The following YME1L1 variants were observed in gnomAD, a reference collection of about 807,000 sequenced individuals.
YME1L1 encodes the protein YME1 like 1 ATPase.
YME1L1 carries 39 observed loss-of-function variants against 90.4 expected under a neutral mutation model. The observed-to-expected ratio is 0.43, with a 90% confidence interval of 0.33 to 0.56. YME1L1 has a LOEUF of 0.56. Among genes scored for constraint, YME1L1 ranks in the 20% least tolerant of loss-of-function variants. The probability of loss-of-function intolerance (pLI) is 0.03; values close to 1 mark genes in which losing one functional copy is unlikely to be tolerated. For missense variants in YME1L1, 617 were observed against 868.4 expected, an observed-to-expected ratio of 0.71 and a Z score of 3.64; for synonymous variants, 284 against 287.3, an observed-to-expected ratio of 0.99 and a Z score of 0.12.
intron 14 of YME1L1, among the ~76,000 whole-genome samples, chr10:27,118,298 T>C (rs896643359): frequency 2.0e-5 from 3 of 149,516 alleles, no homozygotes; most frequent in Admixed American, 1.3e-4. Context: ...AGTAATTTTG[T>C]TTCTTTTTAA....
chr10:27,125,827 CAG>C (rs1421787860), intron 9 of YME1L1, among the ~76,000 whole-genome samples: 1 of 151,790 alleles, frequency 6.6e-6, no homozygotes, highest in African/African-American at 2.4e-5. Context: ...TTAGTAGAGA[CAG>C]GGTTTCACCA....
Position 27,119,448 on chromosome 10 carries a change from G to A in YME1L1, c.1413C>T (p.Ser471=), listed in dbSNP as rs145145029. 1.4e-5 allele frequency: 23 copies of A among 1,602,992 alleles called. No homozygotes were observed. Among genetic ancestry groups the A allele is most frequent in the African/African-American group, 6.8e-5 (5 of 73,866 alleles). Reference sequence around the variant, plus strand: ...CTCGAGCTATAATTTCTGGATCAACGGCTAATGTAAAAAGAGAACACAACG... The same window carrying A: ...CTCGAGCTATAATTTCTGGATCAACAGCTAATGTAAAAAGAGAACACAACG... The part of the protein sequence containing the change: ...WYLNKIKFDQ[S]VDPEIIARGT... The change falls in exon 14 of 19, where the codon TCC becomes TCT. Residue 471 remains serine, a splice_region_variant and synonymous_variant. Coordinates refer to ENST00000376016, the MANE Select transcript of YME1L1 (RefSeq NM_014263.4).
intron 9 of YME1L1, among the ~76,000 whole-genome samples, chr10:27,125,470 A>C (rs905389908): frequency 4.6e-5 from 7 of 150,818 alleles, no homozygotes; most frequent in Non-Finnish European, 1.0e-4. Flanking sequence ...AAAAAAAAAA[A>C]AAAAAAACAA....
chr10:27,112,039 C>T lies in YME1L1; in HGVS notation c.2089G>A (p.Glu697Lys). The T allele has an allele frequency of 6.2e-7, 1 of 1,614,108 alleles. No individual in the cohort carries two copies. The highest frequency in any genetic ancestry group is 8.5e-7 in the Non-Finnish European group (1 of 1,180,010). Residue 697 changes from glutamate to lysine, a missense_variant, in exon 19 of 19, where the codon GAG (glutamate) becomes AAG (lysine). Physicochemically the swap from Glu to Lys is moderately conservative, Grantham distance 56 (BLOSUM62 1). Coordinates refer to ENST00000376016, the MANE Select transcript of YME1L1 (RefSeq NM_014263.4). ...TGAATCTCTTTGGCATCCAAAGTCT[C>T]ATAGGTCAATAAAGCTTCTGCGAGA... is the stretch of plus-strand genomic sequence containing the variant. Reference protein sequence around the residue: ...KNLAEALLTYETLDAKEIQIV... With the variant: ...KNLAEALLTYKTLDAKEIQIV...
rs555197307 is a variant in YME1L1 at position 27,123,809 on chromosome 10, C to T, written c.950-110G>A. 27 of 1,111,006 alleles carry T rather than the reference C, an allele frequency of 2.4e-5. No homozygotes were observed. The Admixed American group carries it at 2.9e-4, about 12-fold the overall frequency. The allele number at this position is 1,111,006 out of a possible 1,614,324, so 68.8% of individuals were successfully genotyped here. On this transcript the variant is annotated intron_variant, in intron 9 of 18. Transcript: ENST00000376016. ...TTATATAATTTTCAGGCTGAGGTCA[C>T]ACCAATAACCAATATTTTGAAACAC...
intron 18 of YME1L1, among the ~76,000 whole-genome samples, chr10:27,114,287 G>GT (rs2056789738): frequency 6.6e-6 from 1 of 152,242 alleles, no homozygotes; most frequent in African/African-American, 2.4e-5. Context: ...CTTAGCCCGT[G>GT]TCCAGGTTCA....
At chr10:27,151,690 G>A (rs2057217981) in intron 1 of YME1L1, among the ~76,000 whole-genome samples, 1 of 152,150 alleles carries the variant, frequency 6.6e-6, no homozygotes, top group Non-Finnish European at 1.5e-5. Context: ...GACCATCCTG[G>A]CTAACACGGT....
At chr10:27,146,861 T>C (rs1161884300) in intron 2 of YME1L1, 1 of 155,910 alleles carries the variant, frequency 6.4e-6, no homozygotes, top group Non-Finnish European at 1.4e-5. Flanking sequence ...AACTATAAAA[T>C]ACACCTTATT....
intron 15 of YME1L1, 107 bp from the exon 16 acceptor site, chr10:27,116,452 AG>A: frequency 7.8e-7 from 1 of 1,279,326 alleles, no homozygotes; most frequent in Non-Finnish European, 1.1e-6. Flanking sequence ...GGATCACCTG[AG>A]GTTGGGAGTT....
intron 8 of YME1L1, 85 bp downstream of exon 8, chr10:27,131,774 A>C: frequency 2.0e-6 from 2 of 1,008,382 alleles, no homozygotes; most frequent in Non-Finnish European, 3.0e-6. Context: ...CTATTCTAGA[A>C]TACACTGTAG....
At chr10:27,116,884 A>C (rs1360247610) in intron 15 of YME1L1, among the ~76,000 whole-genome samples, 1 of 151,948 alleles carries the variant, frequency 6.6e-6, no homozygotes, top group Non-Finnish European at 1.5e-5. Flanking sequence ...TAAAAATTTA[A>C]AAAAAATTCA....
chr10:27,120,161 A>ATGTG (rs989770279), intron 13 of YME1L1, among the ~76,000 whole-genome samples: 4 of 152,066 alleles, frequency 2.6e-5, no homozygotes, highest in African/African-American at 9.6e-5. Flanking sequence ...TCTTAAAAAA[A>ATGTG]TGTGTGTGTG....
At chr10:27,148,199 AT>A (rs2057167593) in intron 2 of YME1L1, among the ~76,000 whole-genome samples, 1 of 150,546 alleles carries the variant, frequency 6.6e-6, no homozygotes. Flanking sequence ...TTACATTTTT[AT>A]ATTTATTTAT....
rs142101582 is a variant in YME1L1 at position 27,147,297 on chromosome 10, C to T, written c.168+1609G>A. 9.0e-4 allele frequency: 774 copies of T among 862,288 alleles called. 2 individuals are homozygous for T. In the African/African-American group the frequency reaches 0.012, roughly 13 times the overall value. The allele number at this position is 862,288 out of a possible 1,614,324, so 53.4% of individuals were successfully genotyped here. A position where few individuals can be genotyped will look rare whatever the true frequency, so the allele number is the denominator to read the frequency against. On this transcript the variant is annotated intron_variant, in intron 2 of 18. Coordinates refer to ENST00000376016, the MANE Select transcript of YME1L1 (RefSeq NM_014263.4). ...CTGCTTCAGGCCAGGAGTTCGAGAT[C>T]AGCCTGGTGAAGAAAGCAAGACCCT...
Position 27,120,547 on chromosome 10 carries a change from A to C in YME1L1, c.1299T>G (p.Asn433Lys). 6.2e-7 allele frequency: 1 copy of C among 1,608,694 alleles called. No homozygotes were observed. The highest frequency in any genetic ancestry group is 8.5e-7 in the Non-Finnish European group (1 of 1,176,996). The change falls in exon 13 of 19, where the codon AAT becomes AAG. Residue 433 changes from asparagine to lysine, a missense_variant and splice_region_variant. Physicochemically the swap from Asn to Lys is moderately conservative, Grantham distance 94. Transcript: ENST00000376016. ...GATNFPEALD[N>K]ALIRPGRFDM... Reference sequence around the variant, plus strand: ...CAAAACGACCAGGACGTATTAAGGCACTACAGGAAGAATGCAAAAGGAAAA... The same window carrying C: ...CAAAACGACCAGGACGTATTAAGGCCCTACAGGAAGAATGCAAAAGGAAAA...
At chr10:27,118,427 G>A (rs1353903120) in intron 14 of YME1L1, among the ~76,000 whole-genome samples, 4 of 152,086 alleles carry the variant, frequency 2.6e-5, no homozygotes, top group Admixed American at 6.5e-5. Flanking sequence ...GACCACAGTC[G>A]CATGCCACCC....
rs922549590 is a variant in YME1L1, at chr10:27,114,387, T to C, written c.2007+134A>G. 4 of 642,688 alleles carry C rather than the reference T, an allele frequency of 6.2e-6. No individual in the cohort carries two copies. The African/African-American group carries it at 7.5e-5, about 12-fold the overall frequency. 39.8% of individuals were successfully genotyped at this position (642,688 alleles called of 1,614,324 possible). A position where few individuals can be genotyped will look rare whatever the true frequency, so the allele number is the denominator to read the frequency against. The stretch of plus-strand genomic sequence containing the variant: ...TTTTTAATTTTTTCCCCAGACACCA[T>C]GGTGACTATTATCTTTATTTTATAA... On this transcript the variant is annotated intron_variant, in intron 18 of 18. Coordinates refer to ENST00000376016, the MANE Select transcript of YME1L1 (RefSeq NM_014263.4).
rs1420447245 is a variant in YME1L1 at position 27,134,945 on chromosome 10, T to G, written c.577A>C (p.Ser193Arg). The G allele has an allele frequency of 7.4e-6, 12 of 1,613,120 alleles. No individual in the cohort carries two copies. The highest frequency in any genetic ancestry group is 1.0e-5 in the Non-Finnish European group (12 of 1,180,002). Residue 193 changes from serine to arginine, a missense_variant, in exon 6 of 19, where the codon AGT (serine) becomes CGT (arginine). Physicochemically the swap from Ser to Arg is moderately radical, Grantham distance 110 (BLOSUM62 -1). Coordinates refer to ENST00000376016, the MANE Select transcript of YME1L1 (RefSeq NM_014263.4). ...LLRDRGSDVE[S>R]LDKLMKTKNI... ...TTGGTTTTCATGAGTTTGTCCAAACTCTCAACATCTGATCCTCTGTCCCGC... is the reference window on the plus strand; with the variant it reads ...TTGGTTTTCATGAGTTTGTCCAAACGCTCAACATCTGATCCTCTGTCCCGC...
chr10:27,142,872 T>A (rs185576481), intron 3 of YME1L1, among the ~76,000 whole-genome samples: 1 of 151,928 alleles, frequency 6.6e-6, no homozygotes, highest in Non-Finnish European at 1.5e-5. Flanking sequence ...CCCGCCACCA[T>A]GCCCGGCTAA....
Sources: allele counts gnomAD v4.1 joint callset (sites outside exome capture counted in the v4.1 genomes callset), GRCh38; gene constraint gnomAD v4.1.1; transcripts MANE v1.5; gene names NCBI Gene and HGNC (gene_info 2026-07-23, HGNC 2026-07-21).